SHLD1: variants seen among roughly 807,000 people sequenced by gnomAD.
SHLD1 encodes the protein RINN1-REV7-interacting novel NHEJ regulator 3.
In SHLD1, 3 loss-of-function variants were observed where a neutral mutation model predicts 5.5. The ratio of observed to expected loss-of-function variants is 0.54; its 90% CI spans 0.25 to 1.40. The LOEUF is 1.40. Ranked by LOEUF, SHLD1 falls within the 40% of genes most tolerant of loss-of-function variation. The probability of loss-of-function intolerance (pLI) is 0.15; values close to 1 mark genes in which losing one functional copy is unlikely to be tolerated. For missense variants in SHLD1, 210 were observed against 244.4 expected (o/e 0.86, Z 0.94); for synonymous variants, 92 against 94.3 (o/e 0.98, Z 0.14).
intron 2 of SHLD1, among the ~76,000 whole-genome samples, chr20:5,775,289 C>T (rs1395572944): frequency 6.6e-6 from 1 of 152,118 alleles, no homozygotes; most frequent in Non-Finnish European, 1.5e-5. Flanking sequence ...GTGATCCTCC[C>T]ACCATGGCCT....
At chr20:5,844,456 G>A (rs1292913719) in intron 2 of SHLD1, among the ~76,000 whole-genome samples, 1 of 152,160 alleles carries the variant, frequency 6.6e-6, no homozygotes, top group Non-Finnish European at 1.5e-5. Flanking sequence ...AGAGGGATGT[G>A]TTTGGGGATG....
chr20:5,832,868 C>A (rs1169902426), intron 2 of SHLD1, among the ~76,000 whole-genome samples: 1 of 151,604 alleles, frequency 6.6e-6, no homozygotes, highest in East Asian at 1.9e-4. Flanking sequence ...AGCAGGTATC[C>A]AACATATTTT....
At chr20:5,777,234 C>T (rs1184491292) in intron 2 of SHLD1, among the ~76,000 whole-genome samples, 2 of 152,186 alleles carry the variant, frequency 1.3e-5, no homozygotes, top group Non-Finnish European at 2.9e-5. Flanking sequence ...AGTGATCCAC[C>T]TGCCTCAGCC....
At chr20:5,797,480 T>C (rs2087229973) in intron 2 of SHLD1, among the ~76,000 whole-genome samples, 1 of 152,138 alleles carries the variant, frequency 6.6e-6, no homozygotes, top group Non-Finnish European at 1.5e-5. Context: ...GAGGATTGCT[T>C]GAGTCCTGGA....
chr20:5,817,367 G>A (rs2087542735), intron 2 of SHLD1, among the ~76,000 whole-genome samples: 1 of 143,624 alleles, frequency 7.0e-6, no homozygotes, highest in Non-Finnish European at 1.5e-5. Context: ...ATCCTTTCAA[G>A]ACTTGTTTTT....
chr20:5,859,178 A>C (rs942573292), intron 2 of SHLD1, among the ~76,000 whole-genome samples: 1 of 152,092 alleles, frequency 6.6e-6, no homozygotes, highest in Admixed American at 6.6e-5. Context: ...CCAACAGCAA[A>C]AGTCTCTTAG....
chr20:5,863,768 T>A lies in SHLD1; in HGVS notation c.*305T>A, dbSNP rs2088195299. On this transcript the variant is annotated 3_prime_UTR_variant, in exon 3 of 3. Coordinates refer to ENST00000303142, the MANE Select transcript of SHLD1 (RefSeq NM_152504.4). Reference sequence around the variant, plus strand: ...ATTCTCTGAGGAGTAATTTATGCTCTAGCACTCCCTTTCCTCTAGATCGGC... The same window carrying A: ...ATTCTCTGAGGAGTAATTTATGCTCAAGCACTCCCTTTCCTCTAGATCGGC... The A allele has an allele frequency of 3.3e-6, 1 of 305,800 alleles. No homozygotes were observed. The highest frequency in any genetic ancestry group is 6.0e-6 in the Non-Finnish European group (1 of 166,596). The allele number at this position is 305,800 out of a possible 1,614,324, so 18.9% of individuals were successfully genotyped here.
intron 2 of SHLD1, among the ~76,000 whole-genome samples, chr20:5,787,672 A>G (rs1431477274): frequency 6.6e-6 from 1 of 152,240 alleles, no homozygotes; most frequent in Non-Finnish European, 1.5e-5. Flanking sequence ...AGTTCCTGGC[A>G]CATGGTAGGT....
intron 1 of SHLD1, among the ~76,000 whole-genome samples, chr20:5,767,498 C>G (rs549395174): frequency 1.6e-4 from 25 of 152,286 alleles, no homozygotes; most frequent in Middle Eastern, 3.4e-3. Context: ...CTTAATCTCT[C>G]TGAATCTATT....
At chr20:5,823,453 T>TTTTTTTTTG (rs2087631219) in intron 2 of SHLD1, among the ~76,000 whole-genome samples, 1 of 25,720 alleles carries the variant, frequency 3.9e-5, no homozygotes, top group Non-Finnish European at 2.2e-4. Flanking sequence ...TTGTTTTTTG[T>TTTTTTTTTG]TTTTTTTTTT....
chr20:5,792,054 A>AT (rs745953689), intron 2 of SHLD1, among the ~76,000 whole-genome samples: 49 of 151,912 alleles, frequency 3.2e-4, no homozygotes, highest in Admixed American at 2.1e-3. Flanking sequence ...AATTGGGTTG[A>AT]TTTTTTTTGT....
At chr20:5,781,018 A>AAGC (rs1367545203) in intron 2 of SHLD1, among the ~76,000 whole-genome samples, 1 of 152,204 alleles carries the variant, frequency 6.6e-6, no homozygotes, top group East Asian at 1.9e-4. Context: ...AAAACCTCAA[A>AAGC]AGCCTTAGTC....
At chr20:5,862,576 TG>T (rs1346165289) in intron 2 of SHLD1, among the ~76,000 whole-genome samples, 1 of 152,198 alleles carries the variant, frequency 6.6e-6, no homozygotes, top group African/African-American at 2.4e-5. Context: ...CTTCCCAGTT[TG>T]GGGGTGGGTA....
At chr20:5,770,899 G>A (rs1256651668) in intron 1 of SHLD1, among the ~76,000 whole-genome samples, 1 of 152,104 alleles carries the variant, frequency 6.6e-6, no homozygotes, top group Non-Finnish European at 1.5e-5. Flanking sequence ...GGATGGTTAG[G>A]TACATTATCT....
chr20:5,804,124 A>G (rs2087339868), intron 2 of SHLD1, among the ~76,000 whole-genome samples: 1 of 151,636 alleles, frequency 6.6e-6, no homozygotes, highest in Non-Finnish European at 1.5e-5. Flanking sequence ...CAGCCTGGCC[A>G]ACATAACAAA....
At position 5,806,550 on chromosome 20, in the gene SHLD1, T is replaced by C. The variant is rs2087378459; in HGVS notation, c.178+33507T>C. 6.6e-6 allele frequency among the ~76,000 whole-genome samples: 1 copy of C among 152,226 alleles called. No individual in the cohort carries two copies. The highest frequency in any genetic ancestry group is 2.4e-5 in the African/African-American group (1 of 41,466). Reference sequence around the variant, plus strand: ...ACTACCTCCCAAGTTCTGAAGGAATTAGGCTTAACCTAAAATAAACAAAAC... The same window carrying C: ...ACTACCTCCCAAGTTCTGAAGGAATCAGGCTTAACCTAAAATAAACAAAAC... On this transcript the variant is annotated intron_variant, in intron 2 of 2. Transcript: ENST00000303142. The surrounding 1 kb of genome is among the most constrained non-coding windows in gnomAD (Gnocchi z 7.6).
intron 2 of SHLD1, among the ~76,000 whole-genome samples, chr20:5,821,235 C>T (rs1319173274): frequency 6.6e-6 from 1 of 152,082 alleles, no homozygotes; most frequent in Non-Finnish European, 1.5e-5. Context: ...TAAGGCTGGG[C>T]GTGGTGGTGG....
intron 2 of SHLD1, among the ~76,000 whole-genome samples, chr20:5,818,246 T>C (rs1401954052): frequency 6.6e-6 from 1 of 152,104 alleles, no homozygotes; most frequent in Admixed American, 6.5e-5. Context: ...TGGCTAAGTT[T>C]TGTATTTTTA....
In SHLD1 at chr20:5,772,843, T is replaced by A. The variant is rs373652221; in HGVS notation, c.-4-19T>A. ...TGTGGTGCCTTTTGTACTGAATTGT[T>A]TTCTTTTTTCCATGGCAGGACTATG... On this transcript the variant is annotated intron_variant, in intron 1 of 2. Transcript: ENST00000303142. 15 of 1,596,522 alleles carry A rather than the reference T, an allele frequency of 9.4e-6. No homozygotes were observed. Among genetic ancestry groups the A allele is most frequent in the African/African-American group, 1.3e-5 (1 of 74,078 alleles).
Sources: gnomAD v4.1 joint callset for allele counts (sites outside exome capture counted in the v4.1 genomes callset) on GRCh38, gnomAD v4.1.1 for gene constraint, Gnocchi (gnomAD v3.1) non-coding constraint, MANE v1.5 for transcripts, NCBI Gene and HGNC (gene_info 2026-07-23, HGNC 2026-07-21) for gene names.